The following LDLRAD3 variants were observed in gnomAD, a reference collection of about 807,000 sequenced individuals.
LDLRAD3 encodes the protein low-density lipoprotein receptor class A domain-containing protein 3.
A neutral mutation model predicts 29.4 loss-of-function variants in LDLRAD3; 20 were observed. The observed-to-expected ratio is 0.68, with a 90% CI of 0.48 to 0.99. The LOEUF (loss-of-function observed/expected upper bound fraction) is 0.99. LDLRAD3 is among the 50% of genes least tolerant of loss of function. The probability of loss-of-function intolerance (pLI) is 0.00; values close to 1 mark genes in which losing one functional copy is unlikely to be tolerated. For synonymous variants in LDLRAD3, 157 were observed against 192.7 expected (o/e 0.81, Z 1.53); for missense variants, 420 against 454.3 (o/e 0.92, Z 0.69).
chr11:36,081,678 A>G lies in LDLRAD3; in HGVS notation c.219A>G (p.Pro73=), dbSNP rs1138807. The change falls in exon 3 of 6, where the codon CCA becomes CCG. Residue 73 remains proline (P), a synonymous_variant. Coordinates refer to ENST00000315571, the MANE Select transcript of LDLRAD3 (RefSeq NM_174902.4). The stretch of plus-strand genomic sequence containing the variant: ...CCAAGGCTAAGTCGAAATGTGGCCC[A>G]ACCTTCTTCCCCTGTGCCAGCGGCA... ...ECPKAKSKCG[P]TFFPCASGIH... is the part of the protein sequence containing the mutation. 531,995 of 1,613,838 alleles carry G rather than the reference A, an allele frequency of 0.33. 89,567 individuals carry two copies. Among genetic ancestry groups the G allele is most frequent in the Admixed American group, 0.46 (27,316 of 60,018 alleles).
Position 36,079,796 on chromosome 11 carries a change from TC to T in LDLRAD3, c.194-1856del, listed in dbSNP as rs201774518. On this transcript the variant is annotated intron_variant, in intron 2 of 5. Coordinates refer to ENST00000315571, the MANE Select transcript of LDLRAD3 (RefSeq NM_174902.4). ...GCCAGTGGGTTTGTGATTAGCCATT[TC>T]TTGGAACAATTGTTCTCCCCGACTT... Among the ~76,000 whole-genome samples the T allele has an allele frequency of 9.6e-3, 1,462 of 152,334 alleles. 21 individuals carry two copies. The highest frequency in any genetic ancestry group is 0.033 in the African/African-American group (1,391 of 41,576).
At chr11:36,151,587 C>T (rs963561123) in intron 4 of LDLRAD3, among the ~76,000 whole-genome samples, 6 of 152,112 alleles carry the variant, frequency 3.9e-5, no homozygotes, top group Non-Finnish European at 8.8e-5. Context: ...CATGGCACTC[C>T]GCTCCCTCCT....
intron 1 of LDLRAD3, among the ~76,000 whole-genome samples, chr11:36,000,653 G>C (rs1393347617): frequency 6.6e-6 from 1 of 152,144 alleles, no homozygotes; most frequent in Non-Finnish European, 1.5e-5. Context: ...TGGGGTGTCT[G>C]GAACTTAGTT....
chr11:35,992,121 A>G (rs982859), intron 1 of LDLRAD3, among the ~76,000 whole-genome samples: 56,343 of 152,010 alleles, frequency 0.37, 10,683 homozygotes, highest in South Asian at 0.54. Flanking sequence ...GAAGATGCAT[A>G]TTCCAAAGGT....
At chr11:35,977,563 A>G (rs1186109470) in intron 1 of LDLRAD3, among the ~76,000 whole-genome samples, 2 of 152,158 alleles carry the variant, frequency 1.3e-5, no homozygotes, top group Non-Finnish European at 1.5e-5. Flanking sequence ...CAGCTTTACT[A>G]GAGGAATAAG....
chr11:36,125,309 G>A (rs940432220), intron 4 of LDLRAD3, among the ~76,000 whole-genome samples: 7 of 152,126 alleles, frequency 4.6e-5, no homozygotes, highest in Admixed American at 4.6e-4. Context: ...TTCCAGCTCT[G>A]CCACTTATTG....
intron 1 of LDLRAD3, among the ~76,000 whole-genome samples, chr11:35,984,394 GTC>G (rs1240875039): frequency 1.3e-5 from 2 of 152,116 alleles, no homozygotes; most frequent in Non-Finnish European, 2.9e-5. Flanking sequence ...CAACTGATTT[GTC>G]CAAGGACAGA....
rs573997994 is a variant in LDLRAD3, at chr11:36,216,535, T to G, written c.455-10550T>G. On this transcript the variant is annotated intron_variant, in intron 4 of 5. Coordinates refer to ENST00000315571, the MANE Select transcript of LDLRAD3 (RefSeq NM_174902.4). ...TCCCTTTTTATCCAAAAAATAACCC[T>G]AGGGGGTGGGTTCTATTATCCCATT... is the stretch of plus-strand genomic sequence containing the variant. Among the ~76,000 whole-genome samples, 49 of 152,272 alleles carry G rather than the reference T, an allele frequency of 3.2e-4. No homozygotes were observed. In the South Asian group the frequency reaches 1.0e-2, roughly 31 times the overall value.
At chr11:36,204,937 T>C (rs957801844) in intron 4 of LDLRAD3, among the ~76,000 whole-genome samples, 23 of 152,224 alleles carry the variant, frequency 1.5e-4, no homozygotes, top group Non-Finnish European at 3.1e-4. Context: ...CAGAAGTCCC[T>C]TGAGCACCTA....
At chr11:36,221,184 C>T (rs916621021) in intron 4 of LDLRAD3, among the ~76,000 whole-genome samples, 4 of 151,936 alleles carry the variant, frequency 2.6e-5, no homozygotes, top group African/African-American at 2.4e-5. Flanking sequence ...CCCATCTCTA[C>T]TAAGTATATA....
chr11:36,178,980 T>A (rs965298754), intron 4 of LDLRAD3, among the ~76,000 whole-genome samples: 3 of 152,248 alleles, frequency 2.0e-5, no homozygotes, highest in Admixed American at 6.5e-5. Flanking sequence ...TGTCTGCCTT[T>A]GCTATCAGAA....
chr11:36,069,851 G>A (rs1018863425), intron 2 of LDLRAD3, among the ~76,000 whole-genome samples: 1 of 152,078 alleles, frequency 6.6e-6, no homozygotes, highest in African/African-American at 2.4e-5. Flanking sequence ...ATTCTTTGCA[G>A]GTGCGACACA....
intron 2 of LDLRAD3, among the ~76,000 whole-genome samples, chr11:36,073,223 T>A (rs536554249): frequency 7.9e-5 from 12 of 152,318 alleles, no homozygotes; most frequent in Admixed American, 2.6e-4. Context: ...CTCTAAAAAG[T>A]GGGGACATGA....
intron 3 of LDLRAD3, among the ~76,000 whole-genome samples, chr11:36,091,794 A>T (rs926073848): frequency 6.6e-6 from 1 of 152,238 alleles, no homozygotes; most frequent in Non-Finnish European, 1.5e-5. Context: ...TGGCTAAAAG[A>T]TAGTGAAACA....
intron 4 of LDLRAD3, among the ~76,000 whole-genome samples, chr11:36,186,780 G>T (rs1446446556): frequency 1.4e-5 from 2 of 147,046 alleles, no homozygotes; most frequent in Admixed American, 1.3e-4. Context: ...ACTTGCATAT[G>T]GCTATGAGAT....
intron 4 of LDLRAD3, among the ~76,000 whole-genome samples, chr11:36,105,316 T>C (rs1232569798): frequency 6.6e-6 from 1 of 151,852 alleles, no homozygotes; most frequent in Non-Finnish European, 1.5e-5. Context: ...CAAGTTGGCA[T>C]TTTTGTCCTT....
At chr11:35,995,719 T>C (rs1351810290) in intron 1 of LDLRAD3, among the ~76,000 whole-genome samples, 1 of 152,270 alleles carries the variant, frequency 6.6e-6, no homozygotes, top group Non-Finnish European at 1.5e-5. Flanking sequence ...TCAGTGATCT[T>C]AGCTATCTAG....
chr11:36,008,676 G>T (rs551814888), intron 1 of LDLRAD3, among the ~76,000 whole-genome samples: 1 of 152,180 alleles, frequency 6.6e-6, no homozygotes, highest in Non-Finnish European at 1.5e-5. Context: ...ACTGGGAAAG[G>T]CCCATGTTTA....
rs142301234 is a variant in LDLRAD3 at position 36,109,230 on chromosome 11, C to T, written c.454+10769C>T. ...TCAAGGAGAGAATCTTTGTCATGGA[C>T]GGGGGAAGAACAGCCTGCAGGGAAG... is the stretch of plus-strand genomic sequence containing the variant. On this transcript the variant is annotated intron_variant, in intron 4 of 5. Transcript: ENST00000315571. 3.5e-3 allele frequency among the ~76,000 whole-genome samples: 525 copies of T among 152,084 alleles called. 3 individuals carry two copies. Among genetic ancestry groups the T allele is most frequent in the Non-Finnish European group, 5.6e-3 (383 of 67,996 alleles).
Sources: allele counts gnomAD v4.1 joint callset (sites outside exome capture counted in the v4.1 genomes callset), GRCh38; gene constraint gnomAD v4.1.1; transcripts MANE v1.5; gene names NCBI Gene and HGNC (gene_info 2026-07-23, HGNC 2026-07-21).